The following AK3 variants were observed in gnomAD, a reference collection of about 807,000 sequenced individuals.
The protein encoded by AK3 is GTP:AMP phosphotransferase AK3, mitochondrial.
Under a neutral mutation model 23.7 loss-of-function variants are expected in AK3, and 27 were observed. The ratio of observed to expected loss-of-function variants is 1.14; its 90% confidence interval spans 0.84 to 1.57. The LOEUF (loss-of-function observed/expected upper bound fraction) is 1.57. AK3 is among the 40% of genes most tolerant of loss of function. The pLI, the probability that AK3 is intolerant of heterozygous loss-of-function variation, is 0.00. For missense variants in AK3, 406 were observed against 285.6 expected, an observed-to-expected ratio of 1.42 and a Z score of -3.04; for synonymous variants, 159 against 116.0, an observed-to-expected ratio of 1.37 and a Z score of -2.38.
intron 1 of AK3, among the ~76,000 whole-genome samples, chr9:4,740,594 CA>C (rs1426182416): frequency 6.6e-6 from 1 of 152,234 alleles, no homozygotes; most frequent in Non-Finnish European, 1.5e-5. Context: ...GCACGTTGAA[CA>C]AGCTGCGGCT....
At chr9:4,738,101 A>G (rs1278218775) in intron 1 of AK3, among the ~76,000 whole-genome samples, 1 of 152,238 alleles carries the variant, frequency 6.6e-6, no homozygotes, top group Non-Finnish European at 1.5e-5. Context: ...TTATTACAAC[A>G]AACAATAGTT....
chr9:4,738,870 C>A (rs1290766657), intron 1 of AK3, among the ~76,000 whole-genome samples: 1 of 148,382 alleles, frequency 6.7e-6, no homozygotes, highest in African/African-American at 2.5e-5. Context: ...ATCCCGGGCT[C>A]AAGTGATACT....
intron 4 of AK3, 120 bp from the exon 5 acceptor site, chr9:4,713,216 T>G: frequency 7.5e-7 from 1 of 1,324,714 alleles, no homozygotes; most frequent in East Asian, 2.4e-5. Flanking sequence ...AAGTATAGAT[T>G]TGTGTAATCA....
At chr9:4,726,388 T>G (rs1842024707) in intron 1 of AK3, among the ~76,000 whole-genome samples, 1 of 152,226 alleles carries the variant, frequency 6.6e-6, no homozygotes, top group African/African-American at 2.4e-5. Flanking sequence ...TCAGACCCGC[T>G]GCTCCTTTTT....
At chr9:4,723,910 A>G (rs1246625074) in intron 1 of AK3, among the ~76,000 whole-genome samples, 1 of 152,192 alleles carries the variant, frequency 6.6e-6, no homozygotes, top group African/African-American at 2.4e-5. Flanking sequence ...GGGTCAAGGT[A>G]TATATGAACA....
In AK3 at chr9:4,712,021, A is replaced by G. The variant is rs1301764712; in HGVS notation, c.*955T>C. ...TATTTACTAACAACAAAGTATGCTT[A>G]CTTTATTTACATAGTGCCACGGGTT... On this transcript the variant is annotated 3_prime_UTR_variant, in exon 5 of 5. Coordinates refer to ENST00000381809, the MANE Select transcript of AK3 (RefSeq NM_016282.4). The G allele has an allele frequency of 1.3e-5, 2 of 152,180 alleles. No individual in the cohort carries two copies. Among genetic ancestry groups the G allele is most frequent in the Non-Finnish European group, 2.9e-5 (2 of 68,006 alleles). The allele number at this position is 152,180 out of a possible 1,614,324, so 9.4% of individuals were successfully genotyped here.
At chr9:4,730,210 C>G (rs1156668422) in intron 1 of AK3, among the ~76,000 whole-genome samples, 3 of 152,124 alleles carry the variant, frequency 2.0e-5, no homozygotes, top group Admixed American at 1.3e-4. Context: ...CTAATGAGAA[C>G]AGCGTTTCTT....
chr9:4,728,224 G>C (rs1196572412), intron 1 of AK3, among the ~76,000 whole-genome samples: 1 of 152,158 alleles, frequency 6.6e-6, no homozygotes, highest in East Asian at 1.9e-4. Context: ...ACTTAGATTT[G>C]TAAAAAAAGA....
intron 1 of AK3, among the ~76,000 whole-genome samples, chr9:4,732,396 G>A (rs986913805): frequency 2.0e-5 from 3 of 152,064 alleles, no homozygotes; most frequent in Admixed American, 6.5e-5. Flanking sequence ...TAAATTTTGG[G>A]GATGTCAAAA....
intron 1 of AK3, among the ~76,000 whole-genome samples, chr9:4,738,301 G>A (rs958675239): frequency 2.6e-5 from 4 of 152,096 alleles, no homozygotes; most frequent in Non-Finnish European, 4.4e-5. Context: ...AAGTAGCTAG[G>A]ATTACAAGCG....
At chr9:4,732,110 T>G (rs1342993436) in intron 1 of AK3, among the ~76,000 whole-genome samples, 1 of 105,180 alleles carries the variant, frequency 9.5e-6, no homozygotes, top group Non-Finnish European at 2.3e-5. Flanking sequence ...CCACAATGCC[T>G]GGCTAATTTT....
intron 1 of AK3, among the ~76,000 whole-genome samples, chr9:4,736,444 C>T (rs1434855079): frequency 6.9e-6 from 1 of 144,154 alleles, no homozygotes; most frequent in Non-Finnish European, 1.5e-5. Flanking sequence ...TTGGAATTGC[C>T]TATTACAAAT....
chr9:4,727,519 T>C (rs564161138), intron 1 of AK3, among the ~76,000 whole-genome samples: 2 of 152,346 alleles, frequency 1.3e-5, no homozygotes, highest in African/African-American at 4.8e-5. Flanking sequence ...AACACATCTC[T>C]CAGCCTTCAC....
At chr9:4,731,711 T>C (rs10974756) in intron 1 of AK3, among the ~76,000 whole-genome samples, 25,934 of 152,170 alleles carry the variant, frequency 0.17, 2,847 homozygotes, top group East Asian at 0.45. Context: ...GGTAAACTTT[T>C]ATCCATTTGA....
chr9:4,714,774 C>T (rs1282062362), intron 4 of AK3, among the ~76,000 whole-genome samples: 3 of 152,102 alleles, frequency 2.0e-5, no homozygotes, highest in Non-Finnish European at 4.4e-5. Flanking sequence ...CTATAATGTC[C>T]CACAGCTAAA....
intron 2 of AK3, among the ~76,000 whole-genome samples, chr9:4,720,212 C>T (rs1587642238): frequency 6.6e-6 from 1 of 152,248 alleles, no homozygotes; most frequent in Admixed American, 6.5e-5. Context: ...GGTTCAAAAA[C>T]AGAGAGACAG....
rs1470215385 is a variant in AK3, at chr9:4,719,166, T to C, written c.413A>G (p.Tyr138Cys). 7 of 1,611,888 alleles carry C rather than the reference T, an allele frequency of 4.3e-6. No individual in the cohort carries two copies. The highest frequency in any genetic ancestry group is 3.3e-5 in the South Asian group (3 of 90,982). Residue 138 changes from tyrosine to cysteine, a missense_variant, in exon 3 of 5, where the codon TAT becomes TGT. Physicochemically the swap from Tyr to Cys is radical, Grantham distance 194. Coordinates refer to ENST00000381809, the MANE Select transcript of AK3 (RefSeq NM_016282.4). The stretch of plus-strand genomic sequence containing the variant: ...TTTGGGAGGGTTGAATTCAATGTTA[T>C]AGACTCGGCCACTGGCGGGATGAAT... ...RWIHPASGRV[Y>C]NIEFNPPKTV...
chr9:4,741,352 CGCAAGCCG>C (rs1842430888), upstream of AK3: 2 of 338,430 alleles, frequency 5.9e-6, no homozygotes, highest in Admixed American at 4.9e-5. Context: ...GCGCAAGCCG[CGCAAGCCG>C]CGCCCCCTCT....
At chr9:4,719,844 TCACCTGAGCTCAGGA>T (rs1264783076) in intron 2 of AK3, among the ~76,000 whole-genome samples, 1 of 152,030 alleles carries the variant, frequency 6.6e-6, no homozygotes, top group East Asian at 1.9e-4. Flanking sequence ...GGAGGGCGGA[TCACCTGAGCTCAGGA>T]GTTCAAGACC....
Sources: gnomAD v4.1 joint callset for allele counts (sites outside exome capture counted in the v4.1 genomes callset) on GRCh38, gnomAD v4.1.1 for gene constraint, MANE v1.5 for transcripts, NCBI Gene and HGNC (gene_info 2026-07-23, HGNC 2026-07-21) for gene names.